Variants in MFGE8 observed in about 807,000 individuals in gnomAD.
MFGE8 encodes the protein milk fat globule EGF and factor V/VIII domain containing.
MFGE8 carries 34 observed loss-of-function variants against 42.6 expected under a neutral mutation model. The ratio of observed to expected loss-of-function variants is 0.80; its 90% CI spans 0.61 to 1.06. MFGE8 has a LOEUF of 1.06. MFGE8 is among the 50% of genes least tolerant of loss of function. The pLI is 0.00. For synonymous variants in MFGE8, 230 were observed against 214.8 expected, an observed-to-expected ratio of 1.07 and a Z score of -0.62; for missense variants, 510 against 516.9, an observed-to-expected ratio of 0.99 and a Z score of 0.13.
chr15:88,904,758 G>C (rs1050063166), intron 5 of MFGE8: 3 of 152,322 alleles, frequency 2.0e-5, no homozygotes, highest in Non-Finnish European at 2.9e-5. Flanking sequence ...ACTGAACTCA[G>C]CTCTGAGGGG....
chr15:88,913,123 C>A (rs1899045864), intron 1 of MFGE8, 124 bp downstream of exon 1: 1 of 1,360,972 alleles, frequency 7.3e-7, no homozygotes, highest in Non-Finnish European at 9.4e-7. Flanking sequence ...CCCCTCTGCC[C>A]AGCCCGGTCC....
rs915826381 is a variant in MFGE8 at position 88,899,032 on chromosome 15, A to C, written c.*363T>G. The C allele has an allele frequency of 5.8e-6, 2 of 343,632 alleles. No individual in the cohort carries two copies. The highest frequency in any genetic ancestry group is 4.2e-5 in the African/African-American group (2 of 47,638). 21.3% of individuals were successfully genotyped at this position (343,632 alleles called of 1,614,324 possible). A position where few individuals can be genotyped will look rare whatever the true frequency, so the allele number is the denominator to read the frequency against. The stretch of plus-strand genomic sequence containing the variant: ...GGCCACCATGGGAATGTGATGTGTG[A>C]GAGAGGGGCTAGGAGAGACAGAGAC... On this transcript the variant is annotated 3_prime_UTR_variant, in exon 8 of 8. Transcript: ENST00000268150. The surrounding 1 kb of genome is among the most constrained non-coding windows in gnomAD (Gnocchi z 6.8).
At chr15:88,901,517 A>ACCCAAAATGCGGGCC in intron 6 of MFGE8, 34 bp downstream of exon 6, 1 of 1,072,616 alleles carries the variant, frequency 9.3e-7, no homozygotes, top group South Asian at 1.2e-5. Context: ...ATCCCACCCA[A>ACCCAAAATGCGGGCC]CCCCAGCCCC....
In MFGE8 at chr15:88,899,068, G is replaced by T; in HGVS notation, c.*327C>A. ...AGGAGAGACAGAGACACACGCACCT[G>T]GGATCGGCGGTCCGGACAGGGGCAG... On this transcript the variant is annotated 3_prime_UTR_variant, in exon 8 of 8. Coordinates refer to ENST00000268150, the MANE Select transcript of MFGE8 (RefSeq NM_005928.4). The surrounding 1 kb of genome is among the most constrained non-coding windows in gnomAD (Gnocchi z 6.8). The T allele has an allele frequency of 2.4e-6, 1 of 422,902 alleles. No individual in the cohort carries two copies. The highest frequency in any genetic ancestry group is 4.4e-6 in the Non-Finnish European group (1 of 224,814). 26.2% of individuals were successfully genotyped at this position (422,902 alleles called of 1,614,324 possible).
At chr15:88,909,248 AC>A (rs1898843002) in intron 2 of MFGE8, among the ~76,000 whole-genome samples, 1 of 152,176 alleles carries the variant, frequency 6.6e-6, no homozygotes, top group South Asian at 2.1e-4. Flanking sequence ...AAGGCCTCTG[AC>A]CACCTGACCG....
At position 88,905,872 on chromosome 15, in the gene MFGE8, C is replaced by T. The variant is rs137911396; in HGVS notation, c.570G>A (p.Ala190=). 49 of 1,614,068 alleles carry T rather than the reference C, an allele frequency of 3.0e-5. 1 individual carries two copies. Among genetic ancestry groups the T allele is most frequent in the African/African-American group, 5.3e-5 (4 of 74,926 alleles). ...GGGTCTCAAACAGGTTGACATGCAC[C>T]GCGTTTTTGTTCCAGTTACCCACAA... ...KEFVGNWNKN[A]VHVNLFETPV... Residue 190 remains alanine (A), a synonymous_variant, in exon 5 of 8, where the codon GCG becomes GCA. Transcript: ENST00000268150. The surrounding 1 kb of genome is among the most constrained non-coding windows in gnomAD (Gnocchi z 6.6).
intron 2 of MFGE8, among the ~76,000 whole-genome samples, chr15:88,909,152 A>C (rs2141719439): frequency 6.6e-6 from 1 of 152,310 alleles, no homozygotes; most frequent in Admixed American, 6.5e-5. Context: ...CAGCAGGGGA[A>C]CTGCTGTTGC....
At chr15:88,901,528 A>G (rs1283614540) in intron 6 of MFGE8, 23 bp downstream of exon 6, 3 of 1,115,274 alleles carry the variant, frequency 2.7e-6, no homozygotes, top group South Asian at 2.5e-5. Context: ...CCCCAGCCCC[A>G]TATCCCAAGA....
intron 6 of MFGE8, 39 bp downstream of exon 6, chr15:88,901,512 A>AACCCCGCCC: frequency 1.5e-6 from 1 of 667,136 alleles, no homozygotes; most frequent in Non-Finnish European, 2.7e-6. Context: ...ACCTCATCCC[A>AACCCCGCCC]CCCAACCCCA....
Position 88,899,723 on chromosome 15 carries a change from T to TTACA in MFGE8, c.958_959insTGTA (p.Lys320MetfsTer2). The TTACA allele has an allele frequency of 6.2e-7, 1 of 1,614,120 alleles. No individual in the cohort carries two copies. The highest frequency in any genetic ancestry group is 8.5e-7 in the Non-Finnish European group (1 of 1,180,012). On this transcript the variant is annotated stop_gained and frameshift_variant, in exon 7 of 8. Coordinates refer to ENST00000268150, the MANE Select transcript of MFGE8 (RefSeq NM_005928.4). LOFTEE classifies it high-confidence loss of function. The surrounding 1 kb of genome is among the most constrained non-coding windows in gnomAD (Gnocchi z 6.8). ...CGCACTGTCATTACTGTAGGCAACC[T>TTACA]TGTAGGATGCCACAAACTGGACAGA... is the stretch of plus-strand genomic sequence containing the variant.
chr15:88,912,854 G>C (rs1318822061), intron 1 of MFGE8: 30 of 985,328 alleles, frequency 3.0e-5, no homozygotes, highest in Non-Finnish European at 3.5e-5. Flanking sequence ...AAGTTATCCA[G>C]ACAAGACTTA....
rs746488964 is a variant in MFGE8 at position 88,906,549 on chromosome 15, C to T, written c.540+77G>A. 6.4e-7 allele frequency: 1 copy of T among 1,566,716 alleles called. No homozygotes were observed. Among genetic ancestry groups the T allele is most frequent in the African/African-American group, 1.4e-5 (1 of 73,878 alleles). ...AATCACCTAGGGTTCTCTGGACTCG[C>T]TGGGGGTCCTCAGTCAATGCTAGAA... On this transcript the variant is annotated intron_variant, in intron 4 of 7. Transcript: ENST00000268150. This position sits in a 1 kb window ranked among gnomAD's most constrained non-coding sequence, Gnocchi z 4.2.
intron 1 of MFGE8, chr15:88,910,867 C>T (rs960818407): frequency 6.6e-6 from 1 of 152,110 alleles, no homozygotes; most frequent in African/African-American, 2.4e-5. Context: ...AACCTTCCTT[C>T]ACCCTCCTCA....
rs1898605573 is a variant in MFGE8, at chr15:88,905,085, C to A, written c.685+672G>T. Among the ~76,000 whole-genome samples the A allele has an allele frequency of 1.3e-5, 2 of 152,226 alleles. No homozygotes were observed. Among genetic ancestry groups the A allele is most frequent in the African/African-American group, 2.4e-5 (1 of 41,456 alleles). On this transcript the variant is annotated intron_variant, in intron 5 of 7. Transcript: ENST00000268150. This position sits in a 1 kb window ranked among gnomAD's most constrained non-coding sequence, Gnocchi z 6.6. Reference sequence around the variant, plus strand: ...CTGCAGAAATCTGTCCCTTTATGGTCTCCCCAGCTCTTCATCTGGGAATCT... The same window carrying A: ...CTGCAGAAATCTGTCCCTTTATGGTATCCCCAGCTCTTCATCTGGGAATCT...
At position 88,901,531 on chromosome 15, in the gene MFGE8, T is replaced by C. The variant is rs747431949; in HGVS notation, c.870+20A>G. On this transcript the variant is annotated intron_variant, in intron 6 of 7. Transcript: ENST00000268150. ...CATCCCACCCAACCCCAGCCCCATATCCCAAGAAGGCTGACCCACCTGCAG... is the reference window on the plus strand; with the variant it reads ...CATCCCACCCAACCCCAGCCCCATACCCCAAGAAGGCTGACCCACCTGCAG... 18 of 641,022 alleles carry C rather than the reference T, an allele frequency of 2.8e-5. No individual in the cohort carries two copies. Among genetic ancestry groups the C allele is most frequent in the Non-Finnish European group, 4.5e-5 (16 of 356,714 alleles). 39.7% of individuals were successfully genotyped at this position (641,022 alleles called of 1,614,324 possible).
intron 6 of MFGE8, chr15:88,900,576 C>T (rs1034780708): frequency 3.1e-6 from 1 of 322,996 alleles, no homozygotes; most frequent in Non-Finnish European, 4.5e-6. Context: ...CTCCTGTCCC[C>T]GGTCCCTGAC....
chr15:88,910,141 C>T (rs1430190959), intron 1 of MFGE8: 1 of 534,088 alleles, frequency 1.9e-6, no homozygotes, highest in Non-Finnish European at 3.4e-6. Context: ...GGGAAGCGCC[C>T]AGCTTTCCAA....
chr15:88,904,567 G>A (rs775907494), intron 5 of MFGE8: 1 of 152,326 alleles, frequency 6.6e-6, no homozygotes, highest in Non-Finnish European at 1.5e-5. Flanking sequence ...AACAGCAAGT[G>A]TCAGGGACTC....
Position 88,899,491 on chromosome 15 carries a change from GTTC to G in MFGE8, c.1065_1067del (p.Lys355del), listed in dbSNP as rs778948706. 15 of 1,614,228 alleles carry G rather than the reference GTTC, an allele frequency of 9.3e-6. 1 individual carries two copies. The highest frequency in any genetic ancestry group is 7.7e-5 in the South Asian group (7 of 91,086). On this transcript the variant is annotated inframe_deletion, in exon 8 of 8. Transcript: ENST00000268150. The surrounding 1 kb of genome is among the most constrained non-coding windows in gnomAD (Gnocchi z 6.8). Reference sequence around the variant, plus strand: ...GAGCCAGGATGGGCGTCTCAAACAAGTTCTTCTTGTGGGAGTGGTTGTCCCAGT... The same window carrying G: ...GAGCCAGGATGGGCGTCTCAAACAAGTTCTTGTGGGAGTGGTTGTCCCAGT...
Sources: gnomAD v4.1 joint callset for allele counts (sites outside exome capture counted in the v4.1 genomes callset) on GRCh38, gnomAD v4.1.1 for gene constraint, Gnocchi (gnomAD v3.1) non-coding constraint, MANE v1.5 for transcripts, NCBI Gene and HGNC (gene_info 2026-07-23, HGNC 2026-07-21) for gene names.